Variants in SLCO2B1 observed in about 807,000 individuals in gnomAD.
SLCO2B1 encodes the protein solute carrier organic anion transporter family member 2B1, also known as OATP-RP2.
A neutral mutation model predicts 67.3 loss-of-function variants in SLCO2B1; 41 were observed. The observed-to-expected ratio is 0.61, with a 90% CI of 0.47 to 0.79. The LOEUF (loss-of-function observed/expected upper bound fraction) is 0.79. Among genes scored for constraint, SLCO2B1 ranks in the 30% least tolerant of loss-of-function variants. The probability of loss-of-function intolerance (pLI) is 0.00; values close to 1 mark genes in which losing one functional copy is unlikely to be tolerated. For synonymous variants in SLCO2B1, 379 were observed against 381.4 expected, an observed-to-expected ratio of 0.99 and a Z score of 0.07; for missense variants, 837 against 920.1, an observed-to-expected ratio of 0.91 and a Z score of 1.17.
At chr11:75,201,927 AC>A (rs899099025) in intron 11 of SLCO2B1, 129 of 152,172 alleles carry the variant, frequency 8.5e-4, no homozygotes, top group African/African-American at 3.1e-3. Flanking sequence ...GAAAGTCCTA[AC>A]CCTCTAATCC....
intron 5 of SLCO2B1, 26 bp from the exon 6 acceptor site, chr11:75,169,640 A>T (rs758377212): frequency 8.2e-6 from 13 of 1,581,728 alleles, no homozygotes; most frequent in Non-Finnish European, 1.0e-5. Context: ...GGGCCAGAGG[A>T]TCCTAACTCA....
intron 4 of SLCO2B1, among the ~76,000 whole-genome samples, chr11:75,167,024 C>G (rs975657422): frequency 6.6e-6 from 1 of 152,194 alleles, no homozygotes; most frequent in African/African-American, 2.4e-5. Flanking sequence ...GCACGGGCAA[C>G]TCTGCTACAA....
intron 4 of SLCO2B1, among the ~76,000 whole-genome samples, chr11:75,167,224 C>T (rs1949904107): frequency 6.6e-6 from 1 of 152,272 alleles, no homozygotes; most frequent in East Asian, 1.9e-4. Context: ...AATGGGAAAA[C>T]TCAGCGCGTG....
chr11:75,178,244 C>T (rs1295784387), intron 7 of SLCO2B1, among the ~76,000 whole-genome samples: 2 of 152,152 alleles, frequency 1.3e-5, no homozygotes, highest in Non-Finnish European at 2.9e-5. Flanking sequence ...CTGCTACTTA[C>T]TAATTCTGAA....
At chr11:75,158,253 T>G (rs1453012415) in intron 1 of SLCO2B1, among the ~76,000 whole-genome samples, 1 of 152,204 alleles carries the variant, frequency 6.6e-6, no homozygotes, top group Non-Finnish European at 1.5e-5. Context: ...TTTTTGCATT[T>G]GTAGTACAGA....
chr11:75,203,365 G>A lies in SLCO2B1; in HGVS notation c.1887G>A (p.Trp629Ter), dbSNP rs1332248906. ...CCATCGACACCACCTGTGTGCACTG[G>A]GCCCTGAGCTGTGGGCGTCGAGCTG... Reference protein sequence around the residue: ...GSAIDTTCVHWALSCGRRAVC... With the variant: ...GSAIDTTCVH Residue 629 changes from tryptophan (W) to a stop codon, truncating the protein, a stop_gained, in exon 13 of 14, where the codon TGG (tryptophan) becomes TGA (stop). Transcript: ENST00000289575. LOFTEE classifies it high-confidence loss of function. The A allele has an allele frequency of 6.2e-7, 1 of 1,614,152 alleles. No individual in the cohort carries two copies. Among genetic ancestry groups the A allele is most frequent in the Non-Finnish European group, 8.5e-7 (1 of 1,180,026 alleles).
At chr11:75,203,715 G>C (rs1945222975) in intron 13 of SLCO2B1, 2 of 367,368 alleles carry the variant, frequency 5.4e-6, no homozygotes, top group Non-Finnish European at 1.0e-5. Flanking sequence ...GGGAGAAACA[G>C]AGGAGCAGCC....
At chr11:75,195,524 A>G (rs918946325) in intron 9 of SLCO2B1, among the ~76,000 whole-genome samples, 1 of 151,972 alleles carries the variant, frequency 6.6e-6, no homozygotes, top group Non-Finnish European at 1.5e-5. Context: ...ACTTTGCCCC[A>G]TGCCCCACTT....
At chr11:75,169,066 G>A in intron 4 of SLCO2B1, 107 bp from the exon 5 acceptor site, 5 of 910,944 alleles carry the variant, frequency 5.5e-6, no homozygotes, top group Non-Finnish European at 8.1e-6. Context: ...TTGTTGTGGG[G>A]CTCAAATTAT....
In SLCO2B1 at chr11:75,204,573, G is replaced by C; in HGVS notation, c.2123G>C (p.Arg708Pro). Residue 708 changes from arginine to proline, a missense_variant, in exon 14 of 14, where the codon CGA (arginine) becomes CCA (proline). Physicochemically the swap from Arg to Pro is moderately radical, Grantham distance 103. Transcript: ENST00000289575. The part of the protein sequence containing the change: ...SGPGKKPEDS[R>P]V ...CCAGGGAAGAAGCCAGAGGATTCCCGAGTGTGAGCTGTCTTGGGGCCCCAC... is the reference window on the plus strand; with the variant it reads ...CCAGGGAAGAAGCCAGAGGATTCCCCAGTGTGAGCTGTCTTGGGGCCCCAC... 6.2e-7 allele frequency: 1 copy of C among 1,608,114 alleles called. No homozygotes were observed. Among genetic ancestry groups the C allele is most frequent in the Non-Finnish European group, 8.5e-7 (1 of 1,177,694 alleles).
At chr11:75,162,344 T>G (rs1949831111) in intron 1 of SLCO2B1, among the ~76,000 whole-genome samples, 1 of 152,076 alleles carries the variant, frequency 6.6e-6, no homozygotes, top group Non-Finnish European at 1.5e-5. Flanking sequence ...AGGTGTGTTG[T>G]GTAGAGAGGT....
intron 7 of SLCO2B1, among the ~76,000 whole-genome samples, chr11:75,178,719 G>A (rs1229450529): frequency 1.3e-5 from 2 of 152,180 alleles, no homozygotes; most frequent in Non-Finnish European, 2.9e-5. Flanking sequence ...TCATCATGAT[G>A]TACAATAGAT....
At chr11:75,178,263 A>G (rs1195619072) in intron 7 of SLCO2B1, among the ~76,000 whole-genome samples, 3 of 152,100 alleles carry the variant, frequency 2.0e-5, no homozygotes, top group African/African-American at 7.2e-5. Flanking sequence ...AAATCTGTAA[A>G]ATGGGTATAA....
intron 1 of SLCO2B1, 123 bp from the exon 2 acceptor site, chr11:75,162,532 A>G (rs1393027455): frequency 2.8e-6 from 3 of 1,068,938 alleles, no homozygotes; most frequent in Admixed American, 2.5e-5. Flanking sequence ...TCAGATTCTC[A>G]TCAACCACTA....
chr11:75,180,098 A>C (rs1022943031), intron 7 of SLCO2B1, among the ~76,000 whole-genome samples: 2 of 152,138 alleles, frequency 1.3e-5, no homozygotes, highest in African/African-American at 4.8e-5. Context: ...GCTCACTGCA[A>C]CCTCTGTCTC....
chr11:75,200,421 A>G, intron 11 of SLCO2B1, 34 bp downstream of exon 11: 1 of 1,547,570 alleles, frequency 6.5e-7, no homozygotes. Flanking sequence ...GCAGGTGGAT[A>G]CCAGGAGGTC....
intron 7 of SLCO2B1, among the ~76,000 whole-genome samples, chr11:75,177,585 G>T (rs1407851664): frequency 1.3e-5 from 2 of 152,180 alleles, no homozygotes. Flanking sequence ...ATACAGGGTG[G>T]TCCAGTGGTG....
intron 2 of SLCO2B1, among the ~76,000 whole-genome samples, chr11:75,163,089 A>T (rs1260458969): frequency 6.6e-6 from 1 of 152,106 alleles, no homozygotes; most frequent in Non-Finnish European, 1.5e-5. Context: ...GGGGATCCCG[A>T]ACCTATGTGG....
chr11:75,185,215 C>T (rs1299470719), intron 7 of SLCO2B1, among the ~76,000 whole-genome samples: 1 of 152,116 alleles, frequency 6.6e-6, no homozygotes, highest in Admixed American at 6.5e-5. Context: ...CCAGCATTTG[C>T]CTCATGATGA....
Sources: gnomAD v4.1 joint callset for allele counts (sites outside exome capture counted in the v4.1 genomes callset) on GRCh38, gnomAD v4.1.1 for gene constraint, MANE v1.5 for transcripts, NCBI Gene and HGNC (gene_info 2026-07-23, HGNC 2026-07-21) for gene names.